BTAF1: variants seen among roughly 807,000 people sequenced by gnomAD.
BTAF1 encodes the protein B-TFIID TATA-box binding protein associated factor 1.
In BTAF1, 38 loss-of-function variants were observed where a neutral mutation model predicts 227.1. The observed-to-expected ratio is 0.17, with a 90% CI of 0.13 to 0.22. The LOEUF is 0.22. Among genes scored for constraint, BTAF1 ranks in the 10% least tolerant of loss-of-function variants. BTAF1 has a pLI of 1.00. For missense variants in BTAF1, 1,598 were observed against 2,204.0 expected, an observed-to-expected ratio of 0.73 and a Z score of 5.51; for synonymous variants, 742 against 751.9, an observed-to-expected ratio of 0.99 and a Z score of 0.21.
At chr10:91,952,031 C>T (rs961217018) in intron 5 of BTAF1, among the ~76,000 whole-genome samples, 1 of 151,034 alleles carries the variant, frequency 6.6e-6, no homozygotes, top group African/African-American at 2.4e-5. Context: ...TTTTTGCCAA[C>T]AGGACACAGA....
intron 24 of BTAF1, 126 bp from the exon 25 acceptor site, chr10:91,997,477 T>A: frequency 1.2e-6 from 1 of 800,620 alleles, no homozygotes; most frequent in East Asian, 2.7e-5. Context: ...GGAGGGTCAG[T>A]CTTTTCCCTC....
intron 12 of BTAF1, among the ~76,000 whole-genome samples, chr10:91,963,516 G>T (rs1846674312): frequency 6.6e-6 from 1 of 152,020 alleles, no homozygotes; most frequent in South Asian, 2.1e-4. Flanking sequence ...GATCTTCCCA[G>T]TCTTGGCCTT....
chr10:92,020,518 A>C (rs997613503), intron 34 of BTAF1, among the ~76,000 whole-genome samples: 1 of 152,220 alleles, frequency 6.6e-6, no homozygotes, highest in Non-Finnish European at 1.5e-5. Flanking sequence ...AGAACAACTA[A>C]TGAATGAAGA....
At chr10:92,009,011 G>T in intron 27 of BTAF1, 30 bp from the exon 28 acceptor site, 1 of 1,612,550 alleles carries the variant, frequency 6.2e-7, no homozygotes, top group South Asian at 1.1e-5. Flanking sequence ...AAACAAGCTG[G>T]TTAATTTATT....
At chr10:91,955,159 G>A (rs1408285965) in intron 6 of BTAF1, among the ~76,000 whole-genome samples, 1 of 152,168 alleles carries the variant, frequency 6.6e-6, no homozygotes, top group Non-Finnish European at 1.5e-5. Flanking sequence ...AAAGTTAACA[G>A]CTCATTAAGA....
chr10:92,021,005 G>C (rs1038399292), intron 34 of BTAF1, among the ~76,000 whole-genome samples: 3 of 152,090 alleles, frequency 2.0e-5, no homozygotes, highest in Admixed American at 6.6e-5. Context: ...TTTTCTGGCT[G>C]TCCTCACGGA....
chr10:91,924,026 A>G lies in BTAF1; in HGVS notation c.-51A>G. ...TCAGCTCTCTGGAAACTAGCGCCTCAGCTGCGCGGCGCGTAGGTCGCGGGG... is the reference window on the plus strand; with the variant it reads ...TCAGCTCTCTGGAAACTAGCGCCTCGGCTGCGCGGCGCGTAGGTCGCGGGG... On this transcript the variant is annotated 5_prime_UTR_variant, in exon 1 of 38. Coordinates refer to ENST00000265990, the MANE Select transcript of BTAF1 (RefSeq NM_003972.3). 2 of 1,594,056 alleles carry G rather than the reference A, an allele frequency of 1.3e-6. No individual in the cohort carries two copies. The highest frequency in any genetic ancestry group is 1.7e-6 in the Non-Finnish European group (2 of 1,172,958).
intron 1 of BTAF1, among the ~76,000 whole-genome samples, chr10:91,933,719 A>G (rs1019835185): frequency 7.2e-5 from 11 of 152,210 alleles, no homozygotes; most frequent in Admixed American, 1.3e-4. Context: ...ACCTTGATTT[A>G]TATGGATTAA....
At chr10:91,963,053 AATT>A (rs1846634467) in intron 12 of BTAF1, among the ~76,000 whole-genome samples, 1 of 151,646 alleles carries the variant, frequency 6.6e-6, no homozygotes, top group South Asian at 2.1e-4. Flanking sequence ...TCTCATTATT[AATT>A]ATTAATTAGT....
intron 13 of BTAF1, among the ~76,000 whole-genome samples, chr10:91,964,457 T>C (rs1846738417): frequency 6.6e-6 from 1 of 152,140 alleles, no homozygotes; most frequent in African/African-American, 2.4e-5. Context: ...CTTATAATTG[T>C]TTACTTAGAA....
chr10:92,020,716 A>T (rs1851064850), intron 34 of BTAF1, among the ~76,000 whole-genome samples: 1 of 152,224 alleles, frequency 6.6e-6, no homozygotes, highest in African/African-American at 2.4e-5. Flanking sequence ...ACCTTGCTGT[A>T]GGTCTTTATA....
rs191609179 is a variant in BTAF1 at position 91,970,379 on chromosome 10, A to G, written c.1650+3622A>G. Reference sequence around the variant, plus strand: ...ATAAAGACATACCTGAGACTGGGCAATTTACAAAAGAAAGAGGTTTAATTG... The same window carrying G: ...ATAAAGACATACCTGAGACTGGGCAGTTTACAAAAGAAAGAGGTTTAATTG... On this transcript the variant is annotated intron_variant, in intron 14 of 37. Transcript: ENST00000265990. Among the ~76,000 whole-genome samples, 431 of 152,280 alleles carry G rather than the reference A, an allele frequency of 2.8e-3. 5 individuals carry two copies. The highest frequency in any genetic ancestry group is 9.5e-3 in the African/African-American group (396 of 41,566).
At chr10:92,009,018 T>C in intron 27 of BTAF1, 23 bp from the exon 28 acceptor site, 1 of 1,612,770 alleles carries the variant, frequency 6.2e-7, no homozygotes, top group South Asian at 1.1e-5. Context: ...CTGGTTAATT[T>C]ATTGTGTTTT....
Position 92,014,165 on chromosome 10 carries a change from G to A in BTAF1, c.4584+136G>A, listed in dbSNP as rs855562. 0.99 allele frequency: 899,283 copies of A among 904,752 alleles called. 447,113 individuals carry two copies. The highest frequency in any genetic ancestry group is 1 in the East Asian group (40,615 of 40,616). 56.0% of individuals were successfully genotyped at this position (904,752 alleles called of 1,614,324 possible). A position where few individuals can be genotyped will look rare whatever the true frequency, so the allele number is the denominator to read the frequency against. ...CAGATAAAGCCTAAATGATGTGGAT[G>A]TAAGTTTGAGTGTATGCATTTTGAA... is the stretch of plus-strand genomic sequence containing the variant. On this transcript the variant is annotated intron_variant, in intron 32 of 37. Transcript: ENST00000265990.
intron 2 of BTAF1, among the ~76,000 whole-genome samples, chr10:91,937,445 A>G (rs1234576350): frequency 8.5e-5 from 13 of 152,168 alleles, no homozygotes; most frequent in Admixed American, 8.5e-4. Context: ...CCTCATACCT[A>G]CTAGCAGTCA....
intron 14 of BTAF1, among the ~76,000 whole-genome samples, chr10:91,978,813 T>G (rs1847871057): frequency 1.2e-5 from 1 of 80,372 alleles, no homozygotes; most frequent in Admixed American, 2.0e-4. Flanking sequence ...ATTTATGGCT[T>G]GTTTTTTTTT....
intron 25 of BTAF1, among the ~76,000 whole-genome samples, chr10:92,005,554 C>A (rs1849821139): frequency 6.6e-6 from 1 of 151,970 alleles, no homozygotes. Context: ...TACATTTATT[C>A]CTATTTTATT....
intron 1 of BTAF1, 46 bp from the exon 2 acceptor site, chr10:91,935,611 C>T (rs199684648): frequency 1.1e-5 from 17 of 1,599,836 alleles, no homozygotes; most frequent in Middle Eastern, 1.7e-4. Flanking sequence ...CTTGTACATA[C>T]GAGGAAAAGC....
chr10:92,028,165 A>C (rs923488859), intron 37 of BTAF1, among the ~76,000 whole-genome samples: 2 of 152,210 alleles, frequency 1.3e-5, no homozygotes, highest in African/African-American at 4.8e-5. Flanking sequence ...GGCTCAAAGA[A>C]ACATGCATAG....
Sources: gnomAD v4.1 joint callset for allele counts (sites outside exome capture counted in the v4.1 genomes callset) on GRCh38, gnomAD v4.1.1 for gene constraint, MANE v1.5 for transcripts, NCBI Gene and HGNC (gene_info 2026-07-23, HGNC 2026-07-21) for gene names.